The following LOC400499 variants were observed in gnomAD, a reference collection of about 807,000 sequenced individuals.
the LOC400499 span, among the ~76,000 whole-genome samples, chr16:11,407,886 CG>C: frequency 6.7e-6 from 1 of 149,452 alleles, no homozygotes; most frequent in Non-Finnish European, 1.5e-5. Context: ...AGAATCACTG[CG>C]GGGGAACTTA....
At chr16:11,390,482 A>T in the LOC400499 span, 1 of 1,235,126 alleles carries the variant, frequency 8.1e-7, no homozygotes, top group Non-Finnish European at 1.0e-6. Context: ...GGCAGCCACC[A>T]CCCACCATGA....
chr16:11,448,791 G>A, the LOC400499 span: 3 of 570,008 alleles, frequency 5.3e-6, no homozygotes, highest in African/African-American at 1.9e-5. Flanking sequence ...AGAGGCTCCA[G>A]GAGGCCCAAG....
the LOC400499 span, chr16:11,411,190 G>A: frequency 2.5e-6 from 1 of 399,128 alleles, no homozygotes; most frequent in African/African-American, 2.1e-5. Context: ...GCCCCCTCCT[G>A]CCTCGGGCTG....
the LOC400499 span, chr16:11,448,899 C>T: frequency 1.0e-4 from 145 of 1,443,032 alleles, no homozygotes; most frequent in African/African-American, 1.6e-3. Context: ...CTTGGCTGCA[C>T]GGGCCTCCTG....
At chr16:11,393,076 G>A in the LOC400499 span, among the ~76,000 whole-genome samples, 2 of 151,972 alleles carry the variant, frequency 1.3e-5, no homozygotes, top group South Asian at 2.1e-4. Context: ...GGATGGTCTC[G>A]ATCTCCTGAC....
At chr16:11,412,798 TG>T in the LOC400499 span, 1 of 398,788 alleles carries the variant, frequency 2.5e-6, no homozygotes, top group Admixed American at 4.4e-5. Flanking sequence ...ACCCAGTCAA[TG>T]GTTCCTCCCC....
chr16:11,414,296 G>C, the LOC400499 span: 2 of 399,134 alleles, frequency 5.0e-6, no homozygotes, highest in Non-Finnish European at 8.8e-6. Flanking sequence ...GAATTGGACA[G>C]AGAGAACAGA....
chr16:11,464,564 T>C, the LOC400499 span, among the ~76,000 whole-genome samples: 1 of 152,200 alleles, frequency 6.6e-6, no homozygotes, highest in African/African-American at 2.4e-5. Context: ...TTAAATCCCA[T>C]TAGCTTTGAG....
the LOC400499 span, chr16:11,448,191 T>C: frequency 7.9e-7 from 1 of 1,258,602 alleles, no homozygotes; most frequent in Admixed American, 2.8e-5. Context: ...CAGAAATGAC[T>C]ATCCGAGAAT....
chr16:11,481,921 C>T, the LOC400499 span, among the ~76,000 whole-genome samples: 1 of 152,174 alleles, frequency 6.6e-6, no homozygotes, highest in East Asian at 1.9e-4. Flanking sequence ...AGACATGAGC[C>T]ACCATGCCCG....
the LOC400499 span, among the ~76,000 whole-genome samples, chr16:11,374,944 G>A: frequency 6.6e-6 from 1 of 152,124 alleles, no homozygotes; most frequent in African/African-American, 2.4e-5. Context: ...CGCCTCCCGG[G>A]TTCAAGTGAT....
the LOC400499 span, among the ~76,000 whole-genome samples, chr16:11,396,008 G>A: frequency 2.2e-3 from 329 of 152,322 alleles, 1 homozygote; most frequent in African/African-American, 7.5e-3. Flanking sequence ...CAGGGCTGCT[G>A]GGAGTAAGGA....
At chr16:11,420,162 C>T in the LOC400499 span, among the ~76,000 whole-genome samples, 1 of 150,392 alleles carries the variant, frequency 6.6e-6, no homozygotes, top group Non-Finnish European at 1.5e-5. Flanking sequence ...TATTGCGGCA[C>T]TATTCACAAT....
chr16:11,390,229 T>C, the LOC400499 span: 8 of 1,232,356 alleles, frequency 6.5e-6, no homozygotes, highest in East Asian at 2.5e-4. Context: ...CAGTGAGAGC[T>C]GGCTCAGTCA....
At chr16:11,400,076 C>T in the LOC400499 span, among the ~76,000 whole-genome samples, 1 of 148,096 alleles carries the variant, frequency 6.8e-6, no homozygotes, top group Admixed American at 6.6e-5. Context: ...AAAAAAAAGC[C>T]TCATCCCCAA....
At chr16:11,431,350 G>A in the LOC400499 span, 1 of 397,888 alleles carries the variant, frequency 2.5e-6, no homozygotes, top group Non-Finnish European at 4.4e-6. Flanking sequence ...ACCTCTCTGG[G>A]CATCAGTTTC....
chr16:11,431,752 G>C, the LOC400499 span, among the ~76,000 whole-genome samples: 63 of 152,278 alleles, frequency 4.1e-4, no homozygotes, highest in African/African-American at 1.4e-3. Flanking sequence ...AACCAGGTGT[G>C]AAACAGTGTG....
chr16:11,383,135 A>G, the LOC400499 span, among the ~76,000 whole-genome samples: 2 of 151,318 alleles, frequency 1.3e-5, no homozygotes, highest in South Asian at 4.2e-4. Flanking sequence ...GTGCAGTCTC[A>G]GCTCACTGCA....
the LOC400499 span, among the ~76,000 whole-genome samples, chr16:11,483,994 C>CTTT: frequency 2.9e-5 from 1 of 34,860 alleles, no homozygotes. Flanking sequence ...GAGGAAGGGA[C>CTTT]TTTTTTTTTT....
Sources: allele counts gnomAD v4.1 joint callset (sites outside exome capture counted in the v4.1 genomes callset), GRCh38; gene constraint gnomAD v4.1.1; transcripts MANE v1.5.